The following ARRDC5 variants were observed in gnomAD, a reference collection of about 807,000 sequenced individuals.
ARRDC5 encodes the protein arrestin domain containing 5.
A neutral mutation model predicts 13.3 loss-of-function variants in ARRDC5; 12 were observed. The ratio of observed to expected loss-of-function variants is 0.90; its 90% CI spans 0.58 to 1.46. The LOEUF (loss-of-function observed/expected upper bound fraction) is 1.46, where lower values mean the gene tolerates loss of function less well. Among genes scored for constraint, ARRDC5 ranks in the 40% most tolerant of loss-of-function variants. ARRDC5 has a pLI of 0.00. For missense variants in ARRDC5, 406 were observed against 418.7 expected, an observed-to-expected ratio of 0.97 and a Z score of 0.26; for synonymous variants, 181 against 173.4, an observed-to-expected ratio of 1.04 and a Z score of -0.34.
the ARRDC5 span, among the ~76,000 whole-genome samples, chr19:4,909,975 C>G: frequency 5.1e-4 from 77 of 150,866 alleles, no homozygotes; most frequent in Non-Finnish European, 1.0e-3. Context: ...TTGTCGCGCC[C>G]GAGCCCGATT....
chr19:4,912,451 C>G, the ARRDC5 span, among the ~76,000 whole-genome samples: 1 of 152,136 alleles, frequency 6.6e-6, no homozygotes, highest in South Asian at 2.1e-4. Flanking sequence ...CTCCCAAGTT[C>G]AGGAGAGGAG....
At chr19:4,896,413 T>TATAA (rs10637723) in intron 2 of ARRDC5, among the ~76,000 whole-genome samples, 4,761 of 133,916 alleles carry the variant, frequency 0.036, 153 homozygotes, top group Admixed American at 0.077. Flanking sequence ...CACATATATA[T>TATAA]AATTTTATTT....
At chr19:4,897,420 C>G (rs543361039) in intron 1 of ARRDC5, among the ~76,000 whole-genome samples, 1 of 152,236 alleles carries the variant, frequency 6.6e-6, no homozygotes, top group Non-Finnish European at 1.5e-5. Context: ...GGTGACATGC[C>G]TGGAGTTGTC....
chr19:4,891,539 G>C lies in ARRDC5; in HGVS notation c.494C>G (p.Ser165Cys), dbSNP rs1230806794. ...PLFVEAEEKV[S>C]YNCCRQGTVC... ...AGTGCCCTGGCGGCAGCAGTTGTAG[G>C]AGACTTTCTCCTCAGCCTCCACGAA... The change falls in exon 3 of 3, where the codon TCC becomes TGC. Residue 165 changes from serine (S) to cysteine (C), a missense_variant. Ser to Cys is a moderately radical substitution (Grantham distance 112). Coordinates refer to ENST00000650722, the MANE Select transcript of ARRDC5 (RefSeq NM_001080523.3). 3.1e-6 allele frequency: 5 copies of C among 1,613,690 alleles called. No homozygotes were observed. Among genetic ancestry groups the C allele is most frequent in the Non-Finnish European group, 4.2e-6 (5 of 1,179,788 alleles).
At chr19:4,900,468 G>T (rs80349588) in intron 1 of ARRDC5, among the ~76,000 whole-genome samples, 1 of 152,048 alleles carries the variant, frequency 6.6e-6, no homozygotes, top group Admixed American at 6.6e-5. Flanking sequence ...TATTCTAAGC[G>T]CTTTATGTGC....
chr19:4,910,779 CA>C, the ARRDC5 span: 2 of 1,434,132 alleles, frequency 1.4e-6, no homozygotes, highest in Admixed American at 4.5e-5. Flanking sequence ...TCCTGGTGTC[CA>C]CAGGCCGGAC....
chr19:4,903,101 A>G, upstream of ARRDC5: 2 of 416,176 alleles, frequency 4.8e-6, no homozygotes, highest in South Asian at 2.4e-5. Context: ...ATCTTGGCTC[A>G]CTGCAACCTC....
chr19:4,896,544 C>A (rs2031740673), intron 2 of ARRDC5, 127 bp downstream of exon 2: 5 of 676,424 alleles, frequency 7.4e-6, no homozygotes, highest in Middle Eastern at 4.2e-4. Context: ...AATCTCGGGG[C>A]CTGGGAAGCT....
Position 4,890,979 on chromosome 19 carries a change from G to T in ARRDC5, c.*67C>A. On this transcript the variant is annotated 3_prime_UTR_variant, in exon 3 of 3. Coordinates refer to ENST00000650722, the MANE Select transcript of ARRDC5 (RefSeq NM_001080523.3). ...TCCTCGACTCCTCTGAGAGTCACCT[G>T]TGCAAGAGAGAGGGCTTCCTCCTGG... is the stretch of plus-strand genomic sequence containing the variant. 7.2e-7 allele frequency: 1 copy of T among 1,388,832 alleles called. No homozygotes were observed. The highest frequency in any genetic ancestry group is 9.8e-7 in the Non-Finnish European group (1 of 1,017,736). 86.0% of individuals were successfully genotyped at this position (1,388,832 alleles called of 1,614,324 possible). A position where few individuals can be genotyped will look rare whatever the true frequency, so the allele number is the denominator to read the frequency against.
chr19:4,912,003 A>T, the ARRDC5 span, among the ~76,000 whole-genome samples: 24 of 152,266 alleles, frequency 1.6e-4, no homozygotes, highest in African/African-American at 5.8e-4. Context: ...GCGCCCGGCC[A>T]GGGGTTTTTG....
chr19:4,913,127 C>G, the ARRDC5 span, among the ~76,000 whole-genome samples: 2 of 152,076 alleles, frequency 1.3e-5, no homozygotes, highest in Non-Finnish European at 2.9e-5. Context: ...ATCCATGCAA[C>G]CCAAAACCCC....
At chr19:4,900,697 G>A (rs951657500) in intron 1 of ARRDC5, among the ~76,000 whole-genome samples, 1 of 152,098 alleles carries the variant, frequency 6.6e-6, no homozygotes, top group African/African-American at 2.4e-5. Context: ...TACTCCTCTG[G>A]TGGAACAGAC....
upstream of ARRDC5, among the ~76,000 whole-genome samples, chr19:4,904,343 C>G (rs1018113159): frequency 2.6e-5 from 4 of 152,092 alleles, no homozygotes; most frequent in Non-Finnish European, 5.9e-5. Context: ...AAATGCCTGG[C>G]TAATTTTTTG....
chr19:4,913,750 T>C, the ARRDC5 span, among the ~76,000 whole-genome samples: 1 of 151,920 alleles, frequency 6.6e-6, no homozygotes, highest in African/African-American at 2.4e-5. Flanking sequence ...TGTTCCTGTG[T>C]AACCTTCATA....
chr19:4,896,284 C>T (rs2031707593), intron 2 of ARRDC5, among the ~76,000 whole-genome samples: 1 of 139,992 alleles, frequency 7.1e-6, no homozygotes, highest in Non-Finnish European at 1.5e-5. Context: ...CTCTGCACTT[C>T]AGCCTGGTGA....
At chr19:4,909,382 C>T in the ARRDC5 span, 2 of 628,002 alleles carry the variant, frequency 3.2e-6, no homozygotes, top group Non-Finnish European at 5.7e-6. Flanking sequence ...GGGCGCCCCC[C>T]ACCCTCTTTC....
chr19:4,891,574 C>G lies in ARRDC5; in HGVS notation c.460-1G>C. 6.2e-7 allele frequency: 1 copy of G among 1,607,508 alleles called. No homozygotes were observed. The highest frequency in any genetic ancestry group is 8.5e-7 in the Non-Finnish European group (1 of 1,176,716). ...CCTCAGCCTCCACGAACAAGGGGTT[C>G]TAGGAGGATGTGGGGGAACAGACAA... is the stretch of plus-strand genomic sequence containing the variant. On this transcript the variant is annotated splice_acceptor_variant, in intron 2 of 2. Coordinates refer to ENST00000650722, the MANE Select transcript of ARRDC5 (RefSeq NM_001080523.3). LOFTEE classifies it high-confidence loss of function.
the ARRDC5 span, among the ~76,000 whole-genome samples, chr19:4,916,673 C>T: frequency 4.6e-5 from 7 of 152,360 alleles, no homozygotes; most frequent in African/African-American, 1.4e-4. Context: ...GTTCTGTCTC[C>T]TCCGTGTCTA....
At chr19:4,912,858 C>T in the ARRDC5 span, among the ~76,000 whole-genome samples, 1 of 152,094 alleles carries the variant, frequency 6.6e-6, no homozygotes, top group African/African-American at 2.4e-5. Context: ...TTCCTGGGCT[C>T]AAGCAATCCT....
Sources: allele counts gnomAD v4.1 joint callset (sites outside exome capture counted in the v4.1 genomes callset), GRCh38; gene constraint gnomAD v4.1.1; transcripts MANE v1.5; gene names NCBI Gene and HGNC (gene_info 2026-07-23, HGNC 2026-07-21).